MFHAS1: variants seen among roughly 807,000 people sequenced by gnomAD.
The protein encoded by MFHAS1 is multifunctional ROCO family signaling regulator 1.
In MFHAS1, 50 loss-of-function variants were observed where a neutral mutation model predicts 70.4. The ratio of observed to expected loss-of-function variants is 0.71; its 90% confidence interval spans 0.57 to 0.90. The LOEUF (loss-of-function observed/expected upper bound fraction) is 0.90. Among genes scored for constraint, MFHAS1 ranks in the 40% least tolerant of loss-of-function variants. The pLI is 0.00. For missense variants in MFHAS1, 1,795 were observed against 1,347.6 expected (o/e 1.33, Z -5.20); for synonymous variants, 952 against 620.0 (o/e 1.54, Z -7.96).
At chr8:8,832,050 G>GCA (rs777027390) in intron 1 of MFHAS1, among the ~76,000 whole-genome samples, 70 of 31,260 alleles carry the variant, frequency 2.2e-3, no homozygotes, top group South Asian at 7.6e-3. Flanking sequence ...GCACATGCAC[G>GCA]CGCGCGCGCG....
At chr8:8,823,979 T>C (rs1807061160) in intron 1 of MFHAS1, among the ~76,000 whole-genome samples, 1 of 144,582 alleles carries the variant, frequency 6.9e-6, no homozygotes, top group South Asian at 2.7e-4. Context: ...CGGGAAATCA[T>C]ATAAAAATAG....
At chr8:8,806,431 C>T (rs567673398) in intron 1 of MFHAS1, among the ~76,000 whole-genome samples, 1 of 152,282 alleles carries the variant, frequency 6.6e-6, no homozygotes, top group East Asian at 1.9e-4. Context: ...GGAGAAATTT[C>T]CCCAGCGAGG....
At chr8:8,813,754 T>A (rs758058108) in intron 1 of MFHAS1, among the ~76,000 whole-genome samples, 1 of 152,128 alleles carries the variant, frequency 6.6e-6, no homozygotes, top group African/African-American at 2.4e-5. Flanking sequence ...TAAGGTTAAT[T>A]TACTATTAAA....
chr8:8,795,521 T>G (rs1446908066), intron 2 of MFHAS1, among the ~76,000 whole-genome samples: 1 of 152,266 alleles, frequency 6.6e-6, no homozygotes, highest in East Asian at 1.9e-4. Flanking sequence ...AATAGTACTC[T>G]GAATACAAGA....
Position 8,890,557 on chromosome 8 carries a change from A to C in MFHAS1, c.2502T>G (p.Asn834Lys). The change falls in exon 1 of 3, where the codon AAT becomes AAG. Residue 834 changes from asparagine to lysine, a missense_variant. Coordinates refer to ENST00000276282, the MANE Select transcript of MFHAS1 (RefSeq NM_004225.3). ...LEKMGLCYCL[N>K]KPKGKPLNGS... ...CATTCAAAGGCTTGCCCTTGGGTTTATTGAGGCAGTAACAGAGTCCCATCT... is the reference window on the plus strand; with the variant it reads ...CATTCAAAGGCTTGCCCTTGGGTTTCTTGAGGCAGTAACAGAGTCCCATCT... 1 of 1,613,542 alleles carries C rather than the reference A, an allele frequency of 6.2e-7. No individual in the cohort carries two copies. Among genetic ancestry groups the C allele is most frequent in the Non-Finnish European group, 8.5e-7 (1 of 1,180,044 alleles).
At chr8:8,844,866 A>G (rs1298103278) in intron 1 of MFHAS1, among the ~76,000 whole-genome samples, 1 of 152,222 alleles carries the variant, frequency 6.6e-6, no homozygotes, top group Non-Finnish European at 1.5e-5. Flanking sequence ...AGCAAATTTA[A>G]GTTCTAATAC....
chr8:8,863,161 G>T (rs1158378228), intron 1 of MFHAS1, among the ~76,000 whole-genome samples: 39 of 152,130 alleles, frequency 2.6e-4, no homozygotes, highest in Admixed American at 2.6e-3. Flanking sequence ...GTATGTGTGG[G>T]TCTATTCTGT....
At chr8:8,841,562 G>A (rs1427131464) in intron 1 of MFHAS1, among the ~76,000 whole-genome samples, 1 of 152,160 alleles carries the variant, frequency 6.6e-6, no homozygotes, top group Non-Finnish European at 1.5e-5. Context: ...CATGCTGAAT[G>A]TAAGAGGCCT....
At chr8:8,817,930 C>A (rs1806808404) in intron 1 of MFHAS1, among the ~76,000 whole-genome samples, 1 of 152,200 alleles carries the variant, frequency 6.6e-6, no homozygotes, top group Non-Finnish European at 1.5e-5. Context: ...CTCACTCCTG[C>A]CCTGCAGCCC....
rs1424744009 is a variant in MFHAS1 at position 8,785,887 on chromosome 8, C to T, written c.*135G>A. On this transcript the variant is annotated 3_prime_UTR_variant, in exon 3 of 3. Transcript: ENST00000276282. The stretch of plus-strand genomic sequence containing the variant: ...ACCTCTTCCCCAGTCGTCCAAAAAG[C>T]ACCCTGCAAGCACGCGTTGTCACTC... 6 of 668,684 alleles carry T rather than the reference C, an allele frequency of 9.0e-6. No homozygotes were observed. The highest frequency in any genetic ancestry group is 4.1e-5 in the Admixed American group (2 of 48,564). 41.4% of individuals were successfully genotyped at this position (668,684 alleles called of 1,614,324 possible). A position where few individuals can be genotyped will look rare whatever the true frequency, so the allele number is the denominator to read the frequency against.
intron 1 of MFHAS1, among the ~76,000 whole-genome samples, chr8:8,872,538 G>C (rs1427338595): frequency 6.6e-6 from 1 of 152,124 alleles, no homozygotes; most frequent in East Asian, 1.9e-4. Context: ...TAATCAACAA[G>C]ATGCAATCAT....
chr8:8,834,140 A>AG (rs397969459), intron 1 of MFHAS1, among the ~76,000 whole-genome samples: 5 of 151,832 alleles, frequency 3.3e-5, no homozygotes, highest in Non-Finnish European at 7.4e-5. Context: ...AACAAAAAAA[A>AG]CAAAACAAAC....
intron 1 of MFHAS1, among the ~76,000 whole-genome samples, chr8:8,874,543 A>T (rs1809216855): frequency 6.6e-6 from 1 of 152,198 alleles, no homozygotes; most frequent in African/African-American, 2.4e-5. Context: ...TCAGCAAGAA[A>T]CATTTTACAG....
chr8:8,795,455 C>T (rs1208237809), intron 2 of MFHAS1, among the ~76,000 whole-genome samples: 2 of 152,164 alleles, frequency 1.3e-5, no homozygotes, highest in Admixed American at 6.5e-5. Flanking sequence ...AGAAGCACTT[C>T]AAGATTCACA....
In MFHAS1 at chr8:8,891,818, A is replaced by T. The variant is rs774170870; in HGVS notation, c.1241T>A (p.Leu414Gln). The change falls in exon 1 of 3, where the codon CTG (leucine) becomes CAG (glutamine). Residue 414 changes from leucine (L) to glutamine (Q), a missense_variant. Leu to Gln is a moderately radical substitution (Grantham distance 113). Transcript: ENST00000276282. This position sits in a 1 kb window ranked among gnomAD's most constrained non-coding sequence, Gnocchi z 5.4. Reference sequence around the variant, plus strand: ...CTTTCCTGCAGCCTTATGCCCCATCAGGAGCAGCTTGAGCCGGGGCTGCAC... The same window carrying T: ...CTTTCCTGCAGCCTTATGCCCCATCTGGAGCAGCTTGAGCCGGGGCTGCAC... ...PAVQPRLKLLLMGHKAAGKTL... is the reference protein window; with the variant it reads ...PAVQPRLKLLQMGHKAAGKTL... The T allele has an allele frequency of 1.2e-6, 2 of 1,613,218 alleles. No individual in the cohort carries two copies. The highest frequency in any genetic ancestry group is 1.7e-6 in the Non-Finnish European group (2 of 1,179,988).
intron 1 of MFHAS1, among the ~76,000 whole-genome samples, chr8:8,810,389 G>A (rs951574519): frequency 2.6e-5 from 4 of 152,078 alleles, no homozygotes; most frequent in Non-Finnish European, 5.9e-5. Flanking sequence ...ATCAGAAGGC[G>A]TATACAGTCA....
chr8:8,801,040 C>T (rs554961081), intron 1 of MFHAS1, among the ~76,000 whole-genome samples: 3 of 152,156 alleles, frequency 2.0e-5, no homozygotes, highest in African/African-American at 7.2e-5. Flanking sequence ...ATGGTAAAAC[C>T]CCGCCTCTAC....
chr8:8,868,107 T>C (rs1481668075), intron 1 of MFHAS1, among the ~76,000 whole-genome samples: 1 of 152,092 alleles, frequency 6.6e-6, no homozygotes, highest in African/African-American at 2.4e-5. Flanking sequence ...ATCCATTTTC[T>C]AGACCAAGTT....
At position 8,797,088 on chromosome 8, in the gene MFHAS1, G is replaced by A. The variant is rs535916786; in HGVS notation, c.3125+277C>T. ...AACTGTACACTTAGGTAAGTGAACT[G>A]TGGTATGTGAATGACATCTCAAAAA... On this transcript the variant is annotated intron_variant, in intron 2 of 2. Coordinates refer to ENST00000276282, the MANE Select transcript of MFHAS1 (RefSeq NM_004225.3). Among the ~76,000 whole-genome samples the A allele has an allele frequency of 7.3e-5, 11 of 151,196 alleles. No individual in the cohort carries two copies. The South Asian group carries it at 1.9e-3, about 26-fold the overall frequency.
Sources: allele counts gnomAD v4.1 joint callset (sites outside exome capture counted in the v4.1 genomes callset), GRCh38; gene constraint gnomAD v4.1.1; non-coding constraint Gnocchi (gnomAD v3.1); transcripts MANE v1.5; gene names NCBI Gene and HGNC (gene_info 2026-07-23, HGNC 2026-07-21).